Variants in MGAT4D observed in about 807,000 individuals in gnomAD.
MGAT4D encodes MGAT4 family member D, also known as alpha-1,3-mannosyl-glycoprotein 4-beta-N-acetylglucosaminyltransferase-like protein MGAT4D.
MGAT4D carries 34 observed loss-of-function variants against 15.9 expected under a neutral mutation model. The ratio of observed to expected loss-of-function variants is 2.14; its 90% confidence interval spans 1.62 to 2.84. The LOEUF (loss-of-function observed/expected upper bound fraction) is 2.84, where lower values mean the gene tolerates loss of function less well. Among genes scored for constraint, MGAT4D ranks in the 30% most tolerant of loss-of-function variants. The pLI is 0.00. For synonymous variants in MGAT4D, 112 were observed against 48.2 expected, an observed-to-expected ratio of 2.33 and a Z score of -5.49; for missense variants, 327 against 140.2, an observed-to-expected ratio of 2.33 and a Z score of -6.73.
At position 140,456,621 on chromosome 4, in the gene MGAT4D, G is replaced by C. The variant is rs868780501; in HGVS notation, c.976C>G (p.Gln326Glu). Residue 326 changes from glutamine (Q) to glutamate (E), a missense_variant, in exon 9 of 11, where the codon CAG (glutamine) becomes GAG (glutamate). Transcript: ENST00000511113. The part of the protein sequence containing the change: ...PIDWLLNDIF[Q>E]VKVCDAGEDL... Reference sequence around the variant, plus strand: ...TCTCCTGCGTCACACACCTTTACCTGAAAAATGTCATTCAAGAGCCAGTCT... The same window carrying C: ...TCTCCTGCGTCACACACCTTTACCTCAAAAATGTCATTCAAGAGCCAGTCT... The C allele has an allele frequency of 1.4e-6, 1 of 693,162 alleles. No individual in the cohort carries two copies. The highest frequency in any genetic ancestry group is 2.6e-6 in the Non-Finnish European group (1 of 380,410). 42.9% of individuals were successfully genotyped at this position (693,162 alleles called of 1,614,324 possible).
chr4:140,445,798 A>G (rs1003301060), intron 10 of MGAT4D, among the ~76,000 whole-genome samples: 1 of 152,020 alleles, frequency 6.6e-6, no homozygotes, highest in Non-Finnish European at 1.5e-5. Context: ...CTTTTCCCCC[A>G]TTGCTTGTTT....
chr4:140,494,037 C>A (rs764512051), intron 1 of MGAT4D, among the ~76,000 whole-genome samples: 1 of 151,906 alleles, frequency 6.6e-6, no homozygotes, highest in African/African-American at 2.4e-5. Flanking sequence ...ACTAGGGGCT[C>A]CTGGAGTGGT....
intron 1 of MGAT4D, among the ~76,000 whole-genome samples, chr4:140,495,838 G>C (rs1026564364): frequency 6.6e-6 from 1 of 152,182 alleles, no homozygotes; most frequent in Non-Finnish European, 1.5e-5. Flanking sequence ...CTGGGTTCAA[G>C]CAATCCTCCT....
intron 1 of MGAT4D, among the ~76,000 whole-genome samples, chr4:140,497,851 G>C (rs1328608456): frequency 6.6e-6 from 1 of 152,264 alleles, no homozygotes; most frequent in Non-Finnish European, 1.5e-5. Flanking sequence ...GAGGAAAAGG[G>C]AGCGGCGGGT....
intron 3 of MGAT4D, among the ~76,000 whole-genome samples, chr4:140,478,877 A>T (rs1252360651): frequency 6.6e-6 from 1 of 152,176 alleles, no homozygotes; most frequent in South Asian, 2.1e-4. Flanking sequence ...GCAGACATAG[A>T]CAACAAGTAA....
intron 7 of MGAT4D, among the ~76,000 whole-genome samples, 151 bp from the exon 8 acceptor site, chr4:140,459,777 G>T (rs1578655304): frequency 6.8e-6 from 1 of 146,968 alleles, no homozygotes; most frequent in Non-Finnish European, 1.5e-5. Flanking sequence ...TTAATTGAAG[G>T]TATTTACAGT....
chr4:140,476,252 T>C (rs950715125), intron 3 of MGAT4D, among the ~76,000 whole-genome samples: 1 of 152,238 alleles, frequency 6.6e-6, no homozygotes, highest in African/African-American at 2.4e-5. Flanking sequence ...TTGTCAGTTA[T>C]ATGTGTTATT....
chr4:140,464,597 C>T (rs1731405620), intron 6 of MGAT4D, among the ~76,000 whole-genome samples: 1 of 152,128 alleles, frequency 6.6e-6, no homozygotes, highest in Non-Finnish European at 1.5e-5. Context: ...TGAACATAGA[C>T]CATCAGTGGT....
intron 7 of MGAT4D, 104 bp downstream of exon 7, chr4:140,461,825 G>C (rs1731195776): frequency 1.6e-5 from 7 of 445,024 alleles, no homozygotes; most frequent in Non-Finnish European, 2.8e-5. Flanking sequence ...AGGAAGGAGG[G>C]AGAAAGTAAC....
chr4:140,451,788 T>A (rs1180842959), intron 9 of MGAT4D, among the ~76,000 whole-genome samples: 1 of 152,142 alleles, frequency 6.6e-6, no homozygotes, highest in East Asian at 1.9e-4. Flanking sequence ...TTCCTCTCTT[T>A]CTTTTAATTA....
chr4:140,443,804 T>C (rs1729920796), intron 10 of MGAT4D, among the ~76,000 whole-genome samples: 1 of 152,148 alleles, frequency 6.6e-6, no homozygotes, highest in South Asian at 2.1e-4. Flanking sequence ...AACAAAACTA[T>C]AGTAAAGGTT....
intron 3 of MGAT4D, 53 bp from the exon 4 acceptor site, chr4:140,474,999 G>T: frequency 1.9e-6 from 1 of 516,556 alleles, no homozygotes; most frequent in Non-Finnish European, 3.4e-6. Context: ...GAAAAACATA[G>T]TTTACCATTC....
chr4:140,478,449 C>G (rs975536663), intron 3 of MGAT4D, among the ~76,000 whole-genome samples: 4 of 152,282 alleles, frequency 2.6e-5, no homozygotes, highest in Non-Finnish European at 4.4e-5. Context: ...CAGCTTTTGT[C>G]TAGCATGTAC....
At chr4:140,455,877 C>A (rs1275875488) in intron 9 of MGAT4D, among the ~76,000 whole-genome samples, 2 of 152,110 alleles carry the variant, frequency 1.3e-5, no homozygotes, top group Non-Finnish European at 2.9e-5. Flanking sequence ...TGGCTTATGC[C>A]TGTAATCTCA....
chr4:140,468,348 A>G (rs904690985), intron 5 of MGAT4D, among the ~76,000 whole-genome samples: 2 of 152,174 alleles, frequency 1.3e-5, no homozygotes, highest in African/African-American at 4.8e-5. Flanking sequence ...TTTGTAGCAA[A>G]TCAGAAGTAT....
chr4:140,479,747 A>G (rs1046563839), intron 2 of MGAT4D, 120 bp from the exon 3 acceptor site: 15 of 321,278 alleles, frequency 4.7e-5, no homozygotes, highest in African/African-American at 2.6e-4. Context: ...AATATATAAA[A>G]GAAATACTCT....
chr4:140,466,518 T>C (rs1731540646), intron 5 of MGAT4D, among the ~76,000 whole-genome samples: 1 of 152,138 alleles, frequency 6.6e-6, no homozygotes, highest in South Asian at 2.1e-4. Context: ...GCAAGGACCA[T>C]TTAAATTACT....
At chr4:140,494,767 C>T (rs1733727255) in intron 1 of MGAT4D, among the ~76,000 whole-genome samples, 1 of 152,164 alleles carries the variant, frequency 6.6e-6, no homozygotes, top group Non-Finnish European at 1.5e-5. Flanking sequence ...GAGACACTGT[C>T]ACAACGGGAG....
chr4:140,468,802 A>T (rs771566412), intron 5 of MGAT4D, among the ~76,000 whole-genome samples: 1 of 152,256 alleles, frequency 6.6e-6, no homozygotes, highest in African/African-American at 2.4e-5. Context: ...TTCACTGCCA[A>T]TGAATCCCTC....
Sources: allele counts gnomAD v4.1 joint callset (sites outside exome capture counted in the v4.1 genomes callset), GRCh38; gene constraint gnomAD v4.1.1; transcripts MANE v1.5; gene names NCBI Gene and HGNC (gene_info 2026-07-23, HGNC 2026-07-21).